The following TMC2 variants were observed in gnomAD, a reference collection of about 807,000 sequenced individuals.
The protein encoded by TMC2 is transmembrane channel like 2, also known as transmembrane channel-like protein 2.
In TMC2, 102 loss-of-function variants were observed where a neutral mutation model predicts 105.9. That is an observed-to-expected ratio of 0.96 (90% CI 0.82 to 1.14). TMC2 has a LOEUF of 1.14. TMC2 is among the 50% of genes most tolerant of loss of function. TMC2 has a pLI of 0.00. For synonymous variants in TMC2, 402 were observed against 422.8 expected (o/e 0.95, Z 0.60); for missense variants, 1,093 against 1,134.3 (o/e 0.96, Z 0.52).
intron 7 of TMC2, among the ~76,000 whole-genome samples, chr20:2,585,537 G>A (rs2086225747): frequency 6.6e-6 from 1 of 152,300 alleles, no homozygotes; most frequent in Non-Finnish European, 1.5e-5. Flanking sequence ...TACGGTCTAG[G>A]TTTTGACCAA....
At chr20:2,569,386 C>T (rs765338521) in intron 4 of TMC2, among the ~76,000 whole-genome samples, 3 of 152,198 alleles carry the variant, frequency 2.0e-5, no homozygotes, top group Admixed American at 6.5e-5. Context: ...AAATACCTAT[C>T]CAATGATGCC....
intron 2 of TMC2, among the ~76,000 whole-genome samples, chr20:2,549,495 C>A (rs1330465348): frequency 2.6e-5 from 4 of 152,178 alleles, no homozygotes; most frequent in Non-Finnish European, 5.9e-5. Context: ...GTAATCCCAG[C>A]ACTTTGGGAG....
intron 4 of TMC2, among the ~76,000 whole-genome samples, chr20:2,568,414 G>A (rs951736089): frequency 1.3e-5 from 2 of 152,272 alleles, no homozygotes; most frequent in East Asian, 1.9e-4. Context: ...CACAGTGACT[G>A]GTCTTCATAG....
At chr20:2,605,787 G>T (rs2086386883) in intron 11 of TMC2, among the ~76,000 whole-genome samples, 1 of 152,176 alleles carries the variant, frequency 6.6e-6, no homozygotes, top group Non-Finnish European at 1.5e-5. Flanking sequence ...TTCAAGGTAT[G>T]GGTGAACCTG....
chr20:2,602,247 G>A lies in TMC2; in HGVS notation c.1359G>A (p.Lys453=), dbSNP rs1340784905. The change falls in exon 11 of 20, where the codon AAG becomes AAA. Residue 453 remains lysine, a synonymous_variant. Coordinates refer to ENST00000358864, the MANE Select transcript of TMC2 (RefSeq NM_080751.3). ...GGTACCTCATTTACTTTGTGGTTAA[G>A]CGATCTCAGCAATTCTCCAAAATGC... ...GSGYLIYFVV[K]RSQQFSKMQN... is the part of the protein sequence containing the mutation. 2 of 1,611,738 alleles carry A rather than the reference G, an allele frequency of 1.2e-6. No homozygotes were observed. Among genetic ancestry groups the A allele is most frequent in the East Asian group, 2.2e-5 (1 of 44,754 alleles).
intron 18 of TMC2, 68 bp downstream of exon 18, chr20:2,636,072 CTG>C (rs749934438): frequency 8.2e-6 from 11 of 1,335,872 alleles, no homozygotes; most frequent in Non-Finnish European, 1.2e-5. Flanking sequence ...TGCTAATTTG[CTG>C]TGTGAGCCCA....
At chr20:2,630,910 G>A (rs2086598248) in intron 17 of TMC2, among the ~76,000 whole-genome samples, 1 of 152,130 alleles carries the variant, frequency 6.6e-6, no homozygotes, top group Non-Finnish European at 1.5e-5. Context: ...GTCAATCTGT[G>A]CTTTTTATAT....
At chr20:2,618,128 A>G (rs1216549331) in intron 16 of TMC2, 1 of 152,196 alleles carries the variant, frequency 6.6e-6, no homozygotes, top group Admixed American at 6.5e-5. Context: ...ATCTAACTGT[A>G]TATTTGTACC....
intron 5 of TMC2, among the ~76,000 whole-genome samples, chr20:2,573,909 G>A (rs2086123707): frequency 6.6e-6 from 1 of 152,136 alleles, no homozygotes; most frequent in Admixed American, 6.5e-5. Context: ...TCATAAAGAT[G>A]TTTTTGTTGG....
chr20:2,640,142 T>G (rs2086678510), intron 19 of TMC2, among the ~76,000 whole-genome samples: 1 of 152,080 alleles, frequency 6.6e-6, no homozygotes, highest in Non-Finnish European at 1.5e-5. Flanking sequence ...CCACCATGCC[T>G]GGCTAATTTT....
chr20:2,626,492 A>G (rs1434032081), intron 17 of TMC2, among the ~76,000 whole-genome samples: 2 of 152,208 alleles, frequency 1.3e-5, no homozygotes, highest in African/African-American at 4.8e-5. Context: ...TACTCCTGCC[A>G]TACTCTATTG....
chr20:2,637,482 A>G lies in TMC2; in HGVS notation c.2394A>G (p.Glu798=). 2 of 1,611,682 alleles carry G rather than the reference A, an allele frequency of 1.2e-6. No homozygotes were observed. The highest frequency in any genetic ancestry group is 8.5e-7 in the Non-Finnish European group (1 of 1,177,900). ...TTCATTATTTCCTGCAGCTCCGTGAAGTTGAGAAGAGTCACAAATCTGTAA... is the reference window on the plus strand; with the variant it reads ...TTCATTATTTCCTGCAGCTCCGTGAGGTTGAGAAGAGTCACAAATCTGTAA... ...QLRKKIQVLR[E]VEKSHKSVKG... The change falls in exon 19 of 20, where the codon GAA becomes GAG. Residue 798 remains glutamate (E), a synonymous_variant. Transcript: ENST00000358864.
chr20:2,536,995 G>C (rs2085853969), intron 1 of TMC2, among the ~76,000 whole-genome samples: 1 of 152,156 alleles, frequency 6.6e-6, no homozygotes, highest in African/African-American at 2.4e-5. Context: ...TCTCGGTTAG[G>C]GTTGCCTGTT....
At chr20:2,557,077 C>T (rs1002107120) in intron 2 of TMC2, among the ~76,000 whole-genome samples, 2 of 151,870 alleles carry the variant, frequency 1.3e-5, no homozygotes, top group African/African-American at 4.8e-5. Flanking sequence ...GGCATTTATC[C>T]TGCTTGATGT....
In TMC2 at chr20:2,590,698, C is replaced by CA. The variant is rs200669112; in HGVS notation, c.835-1604dup. Among the ~76,000 whole-genome samples the CA allele has an allele frequency of 2.0e-4, 30 of 151,378 alleles. 1 individual carries two copies. The East Asian group carries it at 5.6e-3, about 28-fold the overall frequency. On this transcript the variant is annotated intron_variant, in intron 7 of 19. Transcript: ENST00000358864. The stretch of plus-strand genomic sequence containing the variant: ...AAATTAACATCTTATACACTTCGTA[C>CA]AAAAAAAATACAAAGTTATTTTGGT...
chr20:2,543,862 A>G (rs2085906618), intron 2 of TMC2, among the ~76,000 whole-genome samples: 1 of 151,536 alleles, frequency 6.6e-6, no homozygotes, highest in South Asian at 2.1e-4. Flanking sequence ...CAGTTGTTTC[A>G]CATCCAGTTT....
intron 7 of TMC2, among the ~76,000 whole-genome samples, chr20:2,591,571 G>T (rs2086268517): frequency 1.3e-5 from 2 of 152,030 alleles, no homozygotes. Context: ...TGGGCGTGGG[G>T]GTACACACCT....
chr20:2,602,149 G>C lies in TMC2; in HGVS notation c.1261G>C (p.Glu421Gln), dbSNP rs2086355952. Reference protein sequence around the residue: ...IVDEQESNKEENIHLTRFLRV... With the variant: ...IVDEQESNKEQNIHLTRFLRV... ...GGATGAACAAGAGAGTAACAAAGAAGAAAATATCCATCTGACAAGATTTCT... is the reference window on the plus strand; with the variant it reads ...GGATGAACAAGAGAGTAACAAAGAACAAAATATCCATCTGACAAGATTTCT... The change falls in exon 11 of 20, where the codon GAA becomes CAA. Residue 421 changes from glutamate to glutamine, a missense_variant. Transcript: ENST00000358864. 1 of 1,612,056 alleles carries C rather than the reference G, an allele frequency of 6.2e-7. No homozygotes were observed. Among genetic ancestry groups the C allele is most frequent in the African/African-American group, 1.3e-5 (1 of 74,818 alleles).
intron 19 of TMC2, among the ~76,000 whole-genome samples, chr20:2,640,402 A>T (rs751542012): frequency 6.6e-5 from 10 of 152,222 alleles, no homozygotes; most frequent in Admixed American, 2.0e-4. Context: ...CTGCTGCAAC[A>T]AAGAGGCCCA....
Sources: allele counts gnomAD v4.1 joint callset (sites outside exome capture counted in the v4.1 genomes callset), GRCh38; gene constraint gnomAD v4.1.1; transcripts MANE v1.5; gene names NCBI Gene and HGNC (gene_info 2026-07-23, HGNC 2026-07-21).